The following KCNK5 variants were observed in gnomAD, a reference collection of about 807,000 sequenced individuals.
The protein encoded by KCNK5 is potassium two pore domain channel subfamily K member 5, also known as potassium channel subfamily K member 5.
In KCNK5, 18 loss-of-function variants were observed where a neutral mutation model predicts 32.9. The ratio of observed to expected loss-of-function variants is 0.55; its 90% confidence interval spans 0.38 to 0.81. The LOEUF (loss-of-function observed/expected upper bound fraction) is 0.81, where lower values mean the gene tolerates loss of function less well. Among genes scored for constraint, KCNK5 ranks in the 30% least tolerant of loss-of-function variants. The pLI is 0.00. For missense variants in KCNK5, 507 were observed against 651.0 expected (o/e 0.78, Z 2.41); for synonymous variants, 276 against 275.3 (o/e 1.00, Z -0.03).
intron 1 of KCNK5, among the ~76,000 whole-genome samples, chr6:39,224,377 C>T (rs575933972): frequency 2.8e-4 from 42 of 152,150 alleles, no homozygotes; most frequent in Non-Finnish European, 5.6e-4. Context: ...TTATATTAAC[C>T]CTCAACTTTC....
rs921501691 is a variant in KCNK5 at position 39,205,257 on chromosome 6, C to T, written c.187-9270G>A. On this transcript the variant is annotated intron_variant, in intron 1 of 4. Coordinates refer to ENST00000359534, the MANE Select transcript of KCNK5 (RefSeq NM_003740.4). ...CTGTGCGGGCAGACACAGGGGACCT[C>T]GAGGGCCCCTTCCTGGTCCCACAGC... Among the ~76,000 whole-genome samples the T allele has an allele frequency of 6.6e-5, 10 of 152,216 alleles. No homozygotes were observed. The East Asian group carries it at 1.5e-3, about 24-fold the overall frequency.
At chr6:39,198,458 G>GT (rs1771065965) in intron 1 of KCNK5, among the ~76,000 whole-genome samples, 1 of 152,198 alleles carries the variant, frequency 6.6e-6, no homozygotes, top group Non-Finnish European at 1.5e-5. Context: ...AGCAATGGCA[G>GT]TATCAAGATT....
Position 39,194,020 on chromosome 6 carries a change from C to T in KCNK5, c.634+149G>A. The T allele has an allele frequency of 3.7e-6, 3 of 815,370 alleles. No homozygotes were observed. Among genetic ancestry groups the T allele is most frequent in the South Asian group, 3.3e-5 (2 of 60,448 alleles). The allele number at this position is 815,370 out of a possible 1,614,324, so 50.5% of individuals were successfully genotyped here. On this transcript the variant is annotated intron_variant, in intron 4 of 4. Transcript: ENST00000359534. The surrounding 1 kb of genome is among the most constrained non-coding windows in gnomAD (Gnocchi z 4.7). ...TCATTACTCTGGGTCTTAGTTTCCT[C>T]TTGCAAATGGCAGAGTGGGTTGAGA... is the stretch of plus-strand genomic sequence containing the variant.
chr6:39,209,706 G>C (rs1382752155), intron 1 of KCNK5, among the ~76,000 whole-genome samples: 5 of 152,208 alleles, frequency 3.3e-5, no homozygotes, highest in African/African-American at 1.2e-4. Flanking sequence ...TCCTCCACAA[G>C]GGCTGGGATT....
chr6:39,205,656 G>A (rs1771211598), intron 1 of KCNK5, among the ~76,000 whole-genome samples: 1 of 152,160 alleles, frequency 6.6e-6, no homozygotes, highest in Non-Finnish European at 1.5e-5. Flanking sequence ...GCGATGCCAA[G>A]GGGTGTCTCC....
Position 39,194,428 on chromosome 6 carries a change from G to T in KCNK5, c.466-91C>A. The T allele has an allele frequency of 6.8e-7, 1 of 1,468,456 alleles. No individual in the cohort carries two copies. Among genetic ancestry groups the T allele is most frequent in the Non-Finnish European group, 9.2e-7 (1 of 1,083,836 alleles). The allele number at this position is 1,468,456 out of a possible 1,614,324, so 91.0% of individuals were successfully genotyped here. A position where few individuals can be genotyped will look rare whatever the true frequency, so the allele number is the denominator to read the frequency against. On this transcript the variant is annotated intron_variant, in intron 3 of 4. Transcript: ENST00000359534. This position sits in a 1 kb window ranked among gnomAD's most constrained non-coding sequence, Gnocchi z 4.7. Reference sequence around the variant, plus strand: ...GAGGGCCAGGGAGGCAGCTAGAGGAGAAGCTAGCTGGGTACCCAGCCTGAC... The same window carrying T: ...GAGGGCCAGGGAGGCAGCTAGAGGATAAGCTAGCTGGGTACCCAGCCTGAC...
At chr6:39,228,477 T>C (rs1261137042) in intron 1 of KCNK5, among the ~76,000 whole-genome samples, 1 of 152,040 alleles carries the variant, frequency 6.6e-6, no homozygotes, top group East Asian at 1.9e-4. Flanking sequence ...TCACGTTCCT[T>C]AAGAAAAGCC....
At chr6:39,202,329 G>A (rs1771144931) in intron 1 of KCNK5, among the ~76,000 whole-genome samples, 1 of 152,198 alleles carries the variant, frequency 6.6e-6, no homozygotes, top group East Asian at 1.9e-4. Flanking sequence ...AAGAGCAAGA[G>A]GGCAGGAAGG....
chr6:39,213,230 A>C (rs911733012), intron 1 of KCNK5, among the ~76,000 whole-genome samples: 9 of 152,276 alleles, frequency 5.9e-5, no homozygotes, highest in African/African-American at 2.2e-4. Context: ...TGGTACATGC[A>C]TGTATTTTAT....
At chr6:39,228,368 G>A (rs56288320) in intron 1 of KCNK5, among the ~76,000 whole-genome samples, 15,815 of 152,182 alleles carry the variant, frequency 0.1, 1,024 homozygotes, top group Non-Finnish European at 0.15. Context: ...CCGTGGGTTC[G>A]GGCCCCACAG....
At chr6:39,218,234 C>A (rs1771474773) in intron 1 of KCNK5, among the ~76,000 whole-genome samples, 1 of 152,090 alleles carries the variant, frequency 6.6e-6, no homozygotes, top group African/African-American at 2.4e-5. Context: ...CCACGTCCAG[C>A]TAATTTTTGT....
chr6:39,229,094 A>G lies in KCNK5; in HGVS notation c.18T>C (p.Pro6=), dbSNP rs549198398. 1 of 1,614,096 alleles carries G rather than the reference A, an allele frequency of 6.2e-7. No homozygotes were observed. Among genetic ancestry groups the G allele is most frequent in the East Asian group, 2.2e-5 (1 of 44,872 alleles). ...AGAAGATGATGGCCGAGGTGAGCAG[A>G]GGGCCCCGGTCCACCATGGCTCCCG... The part of the protein sequence containing the change: MVDRG[P]LLTSAIIFYL... The change falls in exon 1 of 5, where the codon CCT becomes CCC. Residue 6 remains proline (P), a synonymous_variant. Coordinates refer to ENST00000359534, the MANE Select transcript of KCNK5 (RefSeq NM_003740.4).
At chr6:39,201,707 C>A (rs1771136285) in intron 1 of KCNK5, among the ~76,000 whole-genome samples, 1 of 152,186 alleles carries the variant, frequency 6.6e-6, no homozygotes, top group Non-Finnish European at 1.5e-5. Context: ...TTCCCAGCAA[C>A]CTTGTAAGGG....
chr6:39,192,606 A>G (rs1340047759), intron 4 of KCNK5, among the ~76,000 whole-genome samples: 1 of 152,082 alleles, frequency 6.6e-6, no homozygotes, highest in Non-Finnish European at 1.5e-5. Flanking sequence ...GAAACGCTGA[A>G]CCATTTTTAT....
chr6:39,209,211 A>G (rs1342449820), intron 1 of KCNK5, among the ~76,000 whole-genome samples: 1 of 152,210 alleles, frequency 6.6e-6, no homozygotes, highest in Non-Finnish European at 1.5e-5. Context: ...CCCATTTGGA[A>G]ACCACAGGGT....
chr6:39,202,339 G>C (rs1250308068), intron 1 of KCNK5, among the ~76,000 whole-genome samples: 1 of 152,164 alleles, frequency 6.6e-6, no homozygotes, highest in Non-Finnish European at 1.5e-5. Flanking sequence ...GGGCAGGAAG[G>C]AGAGGCACAG....
At chr6:39,198,830 T>C (rs1771074480) in intron 1 of KCNK5, among the ~76,000 whole-genome samples, 1 of 152,234 alleles carries the variant, frequency 6.6e-6, no homozygotes. Context: ...GTGGCTGTTT[T>C]GGATAATGAG....
rs1770994898 is a variant in KCNK5, at chr6:39,194,501, A to T, written c.465+93T>A. 1 of 1,488,636 alleles carries T rather than the reference A, an allele frequency of 6.7e-7. No individual in the cohort carries two copies. The highest frequency in any genetic ancestry group is 1.9e-5 in the Admixed American group (1 of 52,234). 92.2% of individuals were successfully genotyped at this position (1,488,636 alleles called of 1,614,324 possible). On this transcript the variant is annotated intron_variant, in intron 3 of 4. Coordinates refer to ENST00000359534, the MANE Select transcript of KCNK5 (RefSeq NM_003740.4). This position sits in a 1 kb window ranked among gnomAD's most constrained non-coding sequence, Gnocchi z 4.7. Reference sequence around the variant, plus strand: ...AACTATCCTCTTGCCATCTGTCCTTACACCCTTGGTCCAATTCCTAGAGGC... The same window carrying T: ...AACTATCCTCTTGCCATCTGTCCTTTCACCCTTGGTCCAATTCCTAGAGGC...
At chr6:39,218,462 G>A (rs910057377) in intron 1 of KCNK5, among the ~76,000 whole-genome samples, 1 of 152,180 alleles carries the variant, frequency 6.6e-6, no homozygotes. Context: ...AGAGTAATCT[G>A]AACTTGGTTC....
Sources: gnomAD v4.1 joint callset for allele counts (sites outside exome capture counted in the v4.1 genomes callset) on GRCh38, gnomAD v4.1.1 for gene constraint, Gnocchi (gnomAD v3.1) non-coding constraint, MANE v1.5 for transcripts, NCBI Gene and HGNC (gene_info 2026-07-23, HGNC 2026-07-21) for gene names.